The following KIF26B variants were observed in gnomAD, a reference collection of about 807,000 sequenced individuals.
The protein encoded by KIF26B is kinesin family member 26B.
KIF26B carries 63 observed loss-of-function variants against 151.2 expected under a neutral mutation model. That is an observed-to-expected ratio of 0.42 (90% CI 0.34 to 0.51). KIF26B has a LOEUF of 0.51. Among genes scored for constraint, KIF26B ranks in the 20% least tolerant of loss-of-function variants. The pLI is 0.07. For synonymous variants in KIF26B, 1,357 were observed against 1,262.1 expected (o/e 1.08, Z -1.59); for missense variants, 2,813 against 2,913.6 (o/e 0.97, Z 0.79).
intron 2 of KIF26B, among the ~76,000 whole-genome samples, chr1:245,365,357 T>G (rs978625198): frequency 6.6e-6 from 1 of 152,218 alleles, no homozygotes; most frequent in African/African-American, 2.4e-5. Context: ...TAAAGAGGCC[T>G]CTTGATTTAT....
intron 4 of KIF26B, among the ~76,000 whole-genome samples, chr1:245,526,875 TTTTCAAAATAAAGCTCTATTTC>T (rs1406031713): frequency 6.6e-6 from 1 of 152,242 alleles, no homozygotes; most frequent in Non-Finnish European, 1.5e-5. Flanking sequence ...GCTCTACTTC[TTTTCAAAATAAAGCTCTATTTC>T]TTTCAAAATA....
At chr1:245,634,487 T>C (rs2043814115) in intron 9 of KIF26B, among the ~76,000 whole-genome samples, 2 of 152,334 alleles carry the variant, frequency 1.3e-5, no homozygotes, top group East Asian at 1.9e-4. Flanking sequence ...TTTTATTAAA[T>C]TGAGGATATT....
At chr1:245,553,410 TGGCA>T (rs1478021446) in intron 5 of KIF26B, among the ~76,000 whole-genome samples, 1 of 152,092 alleles carries the variant, frequency 6.6e-6, no homozygotes, top group East Asian at 1.9e-4. Context: ...CTTGGCGGGG[TGGCA>T]GGCAGGGGGC....
Position 245,686,061 on chromosome 1 carries a change from G to T in KIF26B, c.3078G>T (p.Pro1026=). 6.3e-7 allele frequency: 1 copy of T among 1,596,782 alleles called. No individual in the cohort carries two copies. Among genetic ancestry groups the T allele is most frequent in the East Asian group, 2.3e-5 (1 of 43,706 alleles). ...SPSPASPRSV[P]GSSSQHSASP... ...GCCCGGCCTCACCCAGGAGCGTCCC[G>T]GGCAGCAGTAGCCAGCACAGCGCCT... is the stretch of plus-strand genomic sequence containing the variant. The change falls in exon 12 of 15, where the codon CCG becomes CCT. Residue 1026 remains proline (P), a synonymous_variant. Transcript: ENST00000407071. The surrounding 1 kb of genome is among the most constrained non-coding windows in gnomAD (Gnocchi z 5.6).
At chr1:245,556,279 T>G (rs1213815511) in intron 5 of KIF26B, among the ~76,000 whole-genome samples, 1 of 73,124 alleles carries the variant, frequency 1.4e-5, no homozygotes, top group Non-Finnish European at 3.3e-5. Context: ...CTCCTCTTCT[T>G]CTTCTTCCTC....
At position 245,155,416 on chromosome 1, in the gene KIF26B, A is replaced by G. The variant is rs1261166367; in HGVS notation, c.-9A>G. 6.2e-7 allele frequency: 1 copy of G among 1,608,190 alleles called. No homozygotes were observed. The highest frequency in any genetic ancestry group is 1.3e-5 in the African/African-American group (1 of 74,840). On this transcript the variant is annotated 5_prime_UTR_variant, in exon 1 of 15. Coordinates refer to ENST00000407071, the MANE Select transcript of KIF26B (RefSeq NM_018012.4). The stretch of plus-strand genomic sequence containing the variant: ...GAACCTTTAGATACTCTCCTCTGGA[A>G]AAGCCACCATGAATTCGGTAGCTGG...
At chr1:245,566,404 G>A (rs1171728570) in intron 5 of KIF26B, among the ~76,000 whole-genome samples, 1 of 152,210 alleles carries the variant, frequency 6.6e-6, no homozygotes, top group Non-Finnish European at 1.5e-5. Context: ...TTCCTTCAGG[G>A]TCCTGCCAGT....
intron 3 of KIF26B, among the ~76,000 whole-genome samples, chr1:245,391,435 C>G (rs1448303567): frequency 1.3e-5 from 2 of 152,024 alleles, no homozygotes; most frequent in Non-Finnish European, 2.9e-5. Flanking sequence ...CTTTAGATAT[C>G]TCAACGGAAA....
chr1:245,633,388 G>A (rs1364543441), intron 9 of KIF26B, among the ~76,000 whole-genome samples: 1 of 151,746 alleles, frequency 6.6e-6, no homozygotes, highest in African/African-American at 2.4e-5. Flanking sequence ...ACTTACTTCT[G>A]TGATTTTGTA....
chr1:245,452,901 T>C (rs755781182), intron 4 of KIF26B, among the ~76,000 whole-genome samples: 15 of 152,222 alleles, frequency 9.9e-5, no homozygotes, highest in Admixed American at 3.3e-4. Context: ...ACTTTTTTGA[T>C]AATGTCCTTT....
Position 245,570,956 on chromosome 1 carries a change from CAT to C in KIF26B, c.1350+30007_1350+30008del, listed in dbSNP as rs1217784229. Among the ~76,000 whole-genome samples, 23 of 152,200 alleles carry C rather than the reference CAT, an allele frequency of 1.5e-4. 1 individual carries two copies. Among genetic ancestry groups the C allele is most frequent in the Non-Finnish European group, 4.4e-5 (3 of 68,046 alleles). ...GCCTTCCAGATATCATCAAATCTAA[CAT>C]GTTAAAATCTAACATAATGAGTGAA... On this transcript the variant is annotated intron_variant, in intron 5 of 14. Coordinates refer to ENST00000407071, the MANE Select transcript of KIF26B (RefSeq NM_018012.4).
intron 3 of KIF26B, among the ~76,000 whole-genome samples, chr1:245,374,475 C>T (rs1338827503): frequency 6.6e-6 from 1 of 151,964 alleles, no homozygotes; most frequent in African/African-American, 2.4e-5. Context: ...TCCAGCAGGT[C>T]AGGAGTATAG....
At chr1:245,176,344 A>C (rs1668809371) in intron 2 of KIF26B, among the ~76,000 whole-genome samples, 1 of 152,188 alleles carries the variant, frequency 6.6e-6, no homozygotes, top group Non-Finnish European at 1.5e-5. Context: ...TTTAGGGAAA[A>C]GTAGTGTCAG....
chr1:245,542,728 T>C (rs1661653047), intron 5 of KIF26B, among the ~76,000 whole-genome samples: 1 of 152,256 alleles, frequency 6.6e-6, no homozygotes, highest in South Asian at 2.1e-4. Context: ...TATTCTTTTT[T>C]ACATTTTTTA....
chr1:245,379,946 G>C (rs1392661148), intron 3 of KIF26B, among the ~76,000 whole-genome samples: 1 of 150,850 alleles, frequency 6.6e-6, no homozygotes, highest in Non-Finnish European at 1.5e-5. Context: ...ACTCCAGCCT[G>C]GGCGACAGAG....
At chr1:245,616,354 C>T (rs927427852) in intron 9 of KIF26B, among the ~76,000 whole-genome samples, 9 of 152,168 alleles carry the variant, frequency 5.9e-5, no homozygotes, top group South Asian at 4.1e-4. Context: ...AGAGCCTCCT[C>T]GGGAATCCCA....
chr1:245,373,022 A>G (rs1329388370), intron 3 of KIF26B, among the ~76,000 whole-genome samples: 11 of 152,176 alleles, frequency 7.2e-5, no homozygotes, highest in Admixed American at 5.9e-4. Flanking sequence ...TAAATTATCT[A>G]TTTCAACCTT....
intron 2 of KIF26B, among the ~76,000 whole-genome samples, chr1:245,172,132 G>A (rs187106903): frequency 9.2e-5 from 14 of 152,072 alleles, no homozygotes; most frequent in Admixed American, 6.5e-4. Context: ...GGCCTTCACC[G>A]TACATTCGTG....
chr1:245,680,477 C>T (rs1023254867), intron 10 of KIF26B, among the ~76,000 whole-genome samples: 2 of 152,246 alleles, frequency 1.3e-5, no homozygotes, highest in East Asian at 1.9e-4. Flanking sequence ...TGTGGGGAGT[C>T]GCAGTAAACA....
Sources: gnomAD v4.1 joint callset for allele counts (sites outside exome capture counted in the v4.1 genomes callset) on GRCh38, gnomAD v4.1.1 for gene constraint, Gnocchi (gnomAD v3.1) non-coding constraint, MANE v1.5 for transcripts, NCBI Gene and HGNC (gene_info 2026-07-23, HGNC 2026-07-21) for gene names.